Variants in CAPN5 observed in about 807,000 individuals in gnomAD.
CAPN5 encodes the protein calpain 5.
Under a neutral mutation model 73.0 loss-of-function variants are expected in CAPN5, and 54 were observed. That is an observed-to-expected ratio of 0.74 (90% CI 0.59 to 0.93). The LOEUF (loss-of-function observed/expected upper bound fraction) is 0.93. CAPN5 is among the 40% of genes least tolerant of loss of function. The pLI is 0.00. For synonymous variants in CAPN5, 335 were observed against 356.9 expected, an observed-to-expected ratio of 0.94 and a Z score of 0.69; for missense variants, 785 against 882.9, an observed-to-expected ratio of 0.89 and a Z score of 1.41.
intron 1 of CAPN5, chr11:77,073,058 C>T (rs1392075489): frequency 4.7e-6 from 6 of 1,289,056 alleles, no homozygotes; most frequent in Non-Finnish European, 6.1e-6. Context: ...AGAGAATGTC[C>T]TGCACAGGGA....
intron 3 of CAPN5, 128 bp from the exon 4 acceptor site, chr11:77,112,461 A>T: frequency 1.4e-6 from 1 of 711,772 alleles, no homozygotes; most frequent in African/African-American, 1.7e-5. Flanking sequence ...GGCTTGTGGC[A>T]GAGTTGGAAT....
intron 2 of CAPN5, among the ~76,000 whole-genome samples, chr11:77,086,725 TG>T (rs2135426482): frequency 6.6e-6 from 1 of 152,352 alleles, no homozygotes; most frequent in South Asian, 2.1e-4. Flanking sequence ...CTCCATCCCC[TG>T]GCTACCCCCG....
intron 3 of CAPN5, among the ~76,000 whole-genome samples, chr11:77,106,307 C>A (rs1229211738): frequency 6.7e-6 from 1 of 148,764 alleles, no homozygotes; most frequent in African/African-American, 2.5e-5. Context: ...CTCCCTGACA[C>A]CCCCTCCCCA....
chr11:77,097,171 A>G lies in CAPN5; in HGVS notation c.297+3358A>G, dbSNP rs922183586. On this transcript the variant is annotated intron_variant, in intron 3 of 12. Coordinates refer to ENST00000648180, the MANE Select transcript of CAPN5 (RefSeq NM_004055.5). ...TGGGAGGTGGAGCTTGCAGTGAGCC[A>G]AGATCATGCCACTGCACTCCAGCCT... Among the ~76,000 whole-genome samples the G allele has an allele frequency of 7.2e-5, 11 of 152,216 alleles. No individual in the cohort carries two copies. The East Asian group carries it at 1.9e-3, about 27-fold the overall frequency.
chr11:77,102,595 G>A (rs1020432226), intron 3 of CAPN5, among the ~76,000 whole-genome samples: 4 of 152,236 alleles, frequency 2.6e-5, no homozygotes, highest in African/African-American at 7.2e-5. Context: ...GCCACCTTCC[G>A]CCTGCCTGCA....
chr11:77,073,335 C>A (rs548731034), intron 1 of CAPN5, among the ~76,000 whole-genome samples: 1 of 152,234 alleles, frequency 6.6e-6, no homozygotes. Context: ...AACCCCTGAC[C>A]TGGAACACCC....
chr11:77,093,964 C>T (rs1467451459), intron 3 of CAPN5, 151 bp downstream of exon 3: 20 of 1,106,794 alleles, frequency 1.8e-5, no homozygotes, highest in African/African-American at 7.8e-5. Context: ...ACTGGCCGAG[C>T]GTCGGAATTG....
intron 2 of CAPN5, chr11:77,088,046 CA>C: frequency 6.5e-7 from 1 of 1,535,002 alleles, no homozygotes; most frequent in Non-Finnish European, 8.7e-7. Flanking sequence ...CCTCCTCGCT[CA>C]GGGCCCGGGA....
intron 7 of CAPN5, among the ~76,000 whole-genome samples, chr11:77,116,674 C>T (rs1555041840): frequency 6.6e-6 from 1 of 152,180 alleles, no homozygotes; most frequent in African/African-American, 2.4e-5. Flanking sequence ...TATGGTGTGG[C>T]CAGGGGCACT....
Position 77,118,301 on chromosome 11 carries a change from C to T in CAPN5, c.1116C>T (p.Asn372=), listed in dbSNP as rs1555042112. The T allele has an allele frequency of 3.1e-6, 5 of 1,612,034 alleles. No individual in the cohort carries two copies. The highest frequency in any genetic ancestry group is 1.7e-5 in the Admixed American group (1 of 59,716). ...AWTLHEDPRQ[N]RGGGCINHKD... ...CGCTGCATGAGGACCCGCGACAGAA[C>T]CGCGGTGGCGGCTGCATCAACCACA... The change falls in exon 8 of 13, where the codon AAC becomes AAT. Residue 372 remains asparagine (N), a synonymous_variant. Coordinates refer to ENST00000648180, the MANE Select transcript of CAPN5 (RefSeq NM_004055.5).
chr11:77,077,854 T>A (rs1361076581), intron 1 of CAPN5, among the ~76,000 whole-genome samples: 3 of 152,230 alleles, frequency 2.0e-5, no homozygotes, highest in African/African-American at 7.2e-5. Flanking sequence ...TGACCATTTG[T>A]ATGTCTTCTG....
chr11:77,105,882 C>T (rs1950341391), intron 3 of CAPN5, among the ~76,000 whole-genome samples: 1 of 152,196 alleles, frequency 6.6e-6, no homozygotes, highest in Non-Finnish European at 1.5e-5. Context: ...ACAACTGAGG[C>T]CCAGAGGAGG....
chr11:77,100,744 C>T (rs782788384), intron 3 of CAPN5, among the ~76,000 whole-genome samples: 5 of 152,218 alleles, frequency 3.3e-5, no homozygotes, highest in Non-Finnish European at 7.3e-5. Flanking sequence ...GGCTTGGTTC[C>T]TGCCATTTTC....
chr11:77,082,791 C>A (rs1950041488), intron 1 of CAPN5, among the ~76,000 whole-genome samples: 2 of 152,234 alleles, frequency 1.3e-5, no homozygotes, highest in African/African-American at 4.8e-5. Flanking sequence ...AGCAGCCAGA[C>A]CCTCTTTCTC....
At chr11:77,094,979 G>C (rs1486110894) in intron 3 of CAPN5, among the ~76,000 whole-genome samples, 3 of 152,218 alleles carry the variant, frequency 2.0e-5, no homozygotes, top group African/African-American at 4.8e-5. Context: ...TAGGTGTCTT[G>C]CTCTTGAGTC....
rs1342355157 is a variant in CAPN5 at position 77,074,020 on chromosome 11, C to T, written c.-36+6926C>T. 4.6e-5 allele frequency among the ~76,000 whole-genome samples: 7 copies of T among 152,224 alleles called. No homozygotes were observed. In the South Asian group the frequency reaches 6.2e-4, roughly 14 times the overall value. On this transcript the variant is annotated intron_variant, in intron 1 of 12. Coordinates refer to ENST00000648180, the MANE Select transcript of CAPN5 (RefSeq NM_004055.5). Reference sequence around the variant, plus strand: ...GACAGGGGCCTGGGAGGTCACAGTACACCCACGAAAGGACAAAGAGACATG... The same window carrying T: ...GACAGGGGCCTGGGAGGTCACAGTATACCCACGAAAGGACAAAGAGACATG...
At chr11:77,085,983 T>C (rs958107442) in intron 2 of CAPN5, among the ~76,000 whole-genome samples, 3 of 152,066 alleles carry the variant, frequency 2.0e-5, no homozygotes, top group Non-Finnish European at 4.4e-5. Context: ...AGAGGAGGTG[T>C]CTTGGAGGTG....
intron 1 of CAPN5, among the ~76,000 whole-genome samples, chr11:77,069,857 G>A (rs1348831909): frequency 6.6e-6 from 1 of 152,186 alleles, no homozygotes; most frequent in East Asian, 1.9e-4. Context: ...TGGTCCTGAG[G>A]CTTGGCCTTC....
At chr11:77,068,241 A>G (rs1429079776) in intron 1 of CAPN5, among the ~76,000 whole-genome samples, 2 of 151,998 alleles carry the variant, frequency 1.3e-5, no homozygotes, top group African/African-American at 4.8e-5. Flanking sequence ...TGGGCAGGGT[A>G]TGGTGGGCCC....
Sources: allele counts gnomAD v4.1 joint callset (sites outside exome capture counted in the v4.1 genomes callset), GRCh38; gene constraint gnomAD v4.1.1; transcripts MANE v1.5; gene names NCBI Gene and HGNC (gene_info 2026-07-23, HGNC 2026-07-21).